Variants in TMEM259 observed in about 807,000 individuals in gnomAD.
TMEM259 encodes transmembrane protein 259, also known as membralin.
A neutral mutation model predicts 46.7 loss-of-function variants in TMEM259; 26 were observed. The observed-to-expected ratio is 0.56, with a 90% CI of 0.41 to 0.77. The LOEUF is 0.77. TMEM259 is among the 30% of genes least tolerant of loss of function. The pLI, the probability that TMEM259 is intolerant of heterozygous loss-of-function variation, is 0.00. For missense variants in TMEM259, 930 were observed against 900.5 expected (o/e 1.03, Z -0.42); for synonymous variants, 494 against 395.1 (o/e 1.25, Z -2.97).
At position 1,020,514 on chromosome 19, in the gene TMEM259, G is replaced by A. The variant is rs1459717076; in HGVS notation, c.225+258C>T. ...TGAGGTTTCCAGAGTAGAGAACAGCGGCTTCTAGTGCAGCGGGATCCGGCC... is the reference window on the plus strand; with the variant it reads ...TGAGGTTTCCAGAGTAGAGAACAGCAGCTTCTAGTGCAGCGGGATCCGGCC... On this transcript the variant is annotated intron_variant, in intron 1 of 10. Coordinates refer to ENST00000356663, the MANE Select transcript of TMEM259 (RefSeq NM_001033026.2). This position sits in a 1 kb window ranked among gnomAD's most constrained non-coding sequence, Gnocchi z 4.0. Among the ~76,000 whole-genome samples the A allele has an allele frequency of 6.6e-6, 1 of 152,162 alleles. No individual in the cohort carries two copies. The highest frequency in any genetic ancestry group is 2.4e-5 in the African/African-American group (1 of 41,458).
Position 1,020,950 on chromosome 19 carries a change from C to T in TMEM259, c.47G>A (p.Gly16Asp), listed in dbSNP as rs1599495675. 3.2e-6 allele frequency: 4 copies of T among 1,265,838 alleles called. No homozygotes were observed. The highest frequency in any genetic ancestry group is 4.0e-6 in the Non-Finnish European group (4 of 1,004,582). 78.4% of individuals were successfully genotyped at this position (1,265,838 alleles called of 1,614,324 possible). A position where few individuals can be genotyped will look rare whatever the true frequency, so the allele number is the denominator to read the frequency against. ...EPAAPGPGPN[G>D]GGGGPAPARG... ...CGCGGGGGCCGGGCCGCCGCCGCCGCCGTTGGGCCCGGGCCCCGGAGCTGC... is the reference window on the plus strand; with the variant it reads ...CGCGGGGGCCGGGCCGCCGCCGCCGTCGTTGGGCCCGGGCCCCGGAGCTGC... The change falls in exon 1 of 11, where the codon GGC becomes GAC. Residue 16 changes from glycine to aspartate, a missense_variant. Physicochemically the swap from Gly to Asp is moderately conservative, Grantham distance 94. Coordinates refer to ENST00000356663, the MANE Select transcript of TMEM259 (RefSeq NM_001033026.2). This position sits in a 1 kb window ranked among gnomAD's most constrained non-coding sequence, Gnocchi z 4.0.
At chr19:1,015,200 G>A (rs1209789671) in intron 1 of TMEM259, among the ~76,000 whole-genome samples, 3 of 152,250 alleles carry the variant, frequency 2.0e-5, no homozygotes, top group East Asian at 1.9e-4. Context: ...AGCGCCCCAC[G>A]GCAGGGCGAG....
rs1233791275 is a variant in TMEM259 at position 1,020,748 on chromosome 19, G to T, written c.225+24C>A. ...GTCGGGACAGCCGCTGGGGTCAAGGGTCGGGGGTCGGGGCCGCGGTCACCT... is the reference window on the plus strand; with the variant it reads ...GTCGGGACAGCCGCTGGGGTCAAGGTTCGGGGGTCGGGGCCGCGGTCACCT... On this transcript the variant is annotated intron_variant, in intron 1 of 10. Coordinates refer to ENST00000356663, the MANE Select transcript of TMEM259 (RefSeq NM_001033026.2). The surrounding 1 kb of genome is among the most constrained non-coding windows in gnomAD (Gnocchi z 4.0). 6 of 1,295,252 alleles carry T rather than the reference G, an allele frequency of 4.6e-6. No individual in the cohort carries two copies. Among genetic ancestry groups the T allele is most frequent in the Admixed American group, 4.0e-5 (1 of 24,850 alleles). 80.2% of individuals were successfully genotyped at this position (1,295,252 alleles called of 1,614,324 possible). A position where few individuals can be genotyped will look rare whatever the true frequency, so the allele number is the denominator to read the frequency against.
rs536573821 is a variant in TMEM259 at position 1,012,175 on chromosome 19, G to C, written c.732C>G (p.Asp244Glu). 1 of 1,603,012 alleles carries C rather than the reference G, an allele frequency of 6.2e-7. No homozygotes were observed. Among genetic ancestry groups the C allele is most frequent in the Admixed American group, 1.7e-5 (1 of 58,762 alleles). ...GGCTGAAGCGGTCCCCGAAGCACTG[G>C]TCCCGCGTGGGGTCTGCGGGTGGGT... Reference protein sequence around the residue: ...VMVVTLDPTRDQCFGDRFSRL... With the variant: ...VMVVTLDPTREQCFGDRFSRL... Residue 244 changes from aspartate (D) to glutamate (E), a missense_variant, in exon 5 of 11, where the codon GAC becomes GAG. Transcript: ENST00000356663.
chr19:1,012,326 C>T, intron 4 of TMEM259, 137 bp downstream of exon 4: 5 of 1,497,250 alleles, frequency 3.3e-6, no homozygotes, highest in Non-Finnish European at 4.5e-6. Flanking sequence ...GGACCCCAGC[C>T]CTGGGAAGCG....
In TMEM259 at chr19:1,013,320, G is replaced by A; in HGVS notation, c.528C>T (p.Pro176=). The A allele has an allele frequency of 6.2e-7, 1 of 1,613,692 alleles. No homozygotes were observed. Among genetic ancestry groups the A allele is most frequent in the Non-Finnish European group, 8.5e-7 (1 of 1,179,746 alleles). Residue 176 remains proline (P), a synonymous_variant, in exon 3 of 11, where the codon CCC becomes CCT. Transcript: ENST00000356663. The stretch of plus-strand genomic sequence containing the variant: ...TGCTACTCGGCGGCTTGAACACCTT[G>A]GGCTCGATGTCCAGCTCAAACTGTG... ...SSIKFELDIE[P]KVFKPPSSTE...
At chr19:1,011,685 C>A (rs1192903372) in intron 7 of TMEM259, 22 bp from the exon 8 acceptor site, 3 of 1,536,278 alleles carry the variant, frequency 2.0e-6, no homozygotes, top group Non-Finnish European at 2.6e-6. Flanking sequence ...GGGCGGCGGG[C>A]GCCCGGTGAG....
chr19:1,020,624 C>A lies in TMEM259; in HGVS notation c.225+148G>T, dbSNP rs1341898742. Reference sequence around the variant, plus strand: ...CAGGGTCAGAGGTCGCGAGGGAGAGCCCTAATCGGTAGGGCCGGGTATAGG... The same window carrying A: ...CAGGGTCAGAGGTCGCGAGGGAGAGACCTAATCGGTAGGGCCGGGTATAGG... On this transcript the variant is annotated intron_variant, in intron 1 of 10. Coordinates refer to ENST00000356663, the MANE Select transcript of TMEM259 (RefSeq NM_001033026.2). The surrounding 1 kb of genome is among the most constrained non-coding windows in gnomAD (Gnocchi z 4.0). 4.1e-6 allele frequency: 2 copies of A among 482,168 alleles called. No homozygotes were observed. The highest frequency in any genetic ancestry group is 4.4e-5 in the Admixed American group (1 of 22,612). The allele number at this position is 482,168 out of a possible 1,614,324, so 29.9% of individuals were successfully genotyped here. A position where few individuals can be genotyped will look rare whatever the true frequency, so the allele number is the denominator to read the frequency against.
In TMEM259 at chr19:1,010,724, C is replaced by G. The variant is rs2038879835; in HGVS notation, c.1489G>C (p.Gly497Arg). Residue 497 changes from glycine to arginine, a missense_variant, in exon 11 of 11, where the codon GGC becomes CGC. Coordinates refer to ENST00000356663, the MANE Select transcript of TMEM259 (RefSeq NM_001033026.2). ...ACGGGGCCCAGGGCGGGGGGCTGGC[C>G]GGCAGAGTCAGGGGCTGTAGCCGGG... is the stretch of plus-strand genomic sequence containing the variant. Reference protein sequence around the residue: ...GAPATAPDSAGQPPALGPVSP... With the variant: ...GAPATAPDSARQPPALGPVSP... 2 of 1,528,964 alleles carry G rather than the reference C, an allele frequency of 1.3e-6. No individual in the cohort carries two copies. Among genetic ancestry groups the G allele is most frequent in the African/African-American group, 2.8e-5 (2 of 72,578 alleles). The allele number at this position is 1,528,964 out of a possible 1,614,324, so 94.7% of individuals were successfully genotyped here. A position where few individuals can be genotyped will look rare whatever the true frequency, so the allele number is the denominator to read the frequency against.
intron 1 of TMEM259, among the ~76,000 whole-genome samples, chr19:1,018,746 G>A (rs1337170302): frequency 6.6e-6 from 1 of 152,180 alleles, no homozygotes; most frequent in Non-Finnish European, 1.5e-5. Context: ...AGCCTTTTGG[G>A]AGGCCGAGGC....
chr19:1,016,199 G>T (rs1005486340), intron 1 of TMEM259, among the ~76,000 whole-genome samples: 4 of 152,234 alleles, frequency 2.6e-5, no homozygotes, highest in Non-Finnish European at 4.4e-5. Flanking sequence ...ACAAATGAGG[G>T]GTGGGCGGGG....
chr19:1,012,620 C>T, intron 3 of TMEM259, 47 bp from the exon 4 acceptor site: 1 of 1,536,442 alleles, frequency 6.5e-7, no homozygotes, highest in South Asian at 1.2e-5. Flanking sequence ...ACACACGTCC[C>T]CCGCCCACTG....
intron 3 of TMEM259, 65 bp downstream of exon 3, chr19:1,013,176 T>G (rs1295101872): frequency 7.0e-7 from 1 of 1,428,266 alleles, no homozygotes; most frequent in Non-Finnish European, 9.9e-7. Flanking sequence ...GGACCCCGCC[T>G]GCACCCCAGC....
Position 1,021,069 on chromosome 19 carries a change from C to T in TMEM259, c.-73G>A. The T allele has an allele frequency of 3.9e-6, 5 of 1,268,782 alleles. No homozygotes were observed. The highest frequency in any genetic ancestry group is 3.6e-5 in the East Asian group (1 of 27,950). The allele number at this position is 1,268,782 out of a possible 1,614,324, so 78.6% of individuals were successfully genotyped here. A position where few individuals can be genotyped will look rare whatever the true frequency, so the allele number is the denominator to read the frequency against. The stretch of plus-strand genomic sequence containing the variant: ...TCCCGGCCGCCATCGGCCGCCCTCG[C>T]AGCCGCCGCTCTCCTCACGGCCTCC... On this transcript the variant is annotated 5_prime_UTR_variant, in exon 1 of 11. Transcript: ENST00000356663.
At chr19:1,018,318 A>AT (rs2039176734) in intron 1 of TMEM259, among the ~76,000 whole-genome samples, 1 of 152,114 alleles carries the variant, frequency 6.6e-6, no homozygotes, top group African/African-American at 2.4e-5. Context: ...CATTTCCTAA[A>AT]GCCACCCAGG....
chr19:1,015,958 G>A (rs62131164), intron 1 of TMEM259, among the ~76,000 whole-genome samples: 17,442 of 152,204 alleles, frequency 0.11, 1,034 homozygotes, highest in South Asian at 0.14. Flanking sequence ...GTCTGAGCAC[G>A]GATAAAGCCC....
In TMEM259 at chr19:1,010,289, C is replaced by G; in HGVS notation, c.*61G>C. ...AGGAGGTGGCTGGCCTCCCCCACCCCCACGGGCTCGGGAAGGTCAGGCCCA... is the reference window on the plus strand; with the variant it reads ...AGGAGGTGGCTGGCCTCCCCCACCCGCACGGGCTCGGGAAGGTCAGGCCCA... On this transcript the variant is annotated 3_prime_UTR_variant, in exon 11 of 11. Transcript: ENST00000356663. The G allele has an allele frequency of 7.3e-7, 1 of 1,377,786 alleles. No individual in the cohort carries two copies. Among genetic ancestry groups the G allele is most frequent in the Non-Finnish European group, 9.4e-7 (1 of 1,064,184 alleles). 85.3% of individuals were successfully genotyped at this position (1,377,786 alleles called of 1,614,324 possible). A position where few individuals can be genotyped will look rare whatever the true frequency, so the allele number is the denominator to read the frequency against.
chr19:1,015,357 C>T (rs957209698), intron 1 of TMEM259, among the ~76,000 whole-genome samples: 9 of 152,188 alleles, frequency 5.9e-5, no homozygotes, highest in Admixed American at 3.9e-4. Flanking sequence ...GGATGCTGCT[C>T]GGCACCCCGC....
At position 1,012,534 on chromosome 19, in the gene TMEM259, T is replaced by TCA; in HGVS notation, c.646_647insTG (p.Glu216ValfsTer16). ...CTGCGACAGGCGAAGGAAGCCATACTCTAGTGAGTACTCCACGATGTACTC... is the reference window on the plus strand; with the variant it reads ...CTGCGACAGGCGAAGGAAGCCATACTCACTAGTGAGTACTCCACGATGTACTC... On this transcript the variant is annotated frameshift_variant, in exon 4 of 11. Coordinates refer to ENST00000356663, the MANE Select transcript of TMEM259 (RefSeq NM_001033026.2). LOFTEE classifies it high-confidence loss of function. 6.2e-7 allele frequency: 1 copy of TCA among 1,600,436 alleles called. No individual in the cohort carries two copies.
Sources: gnomAD v4.1 joint callset for allele counts (sites outside exome capture counted in the v4.1 genomes callset) on GRCh38, gnomAD v4.1.1 for gene constraint, Gnocchi (gnomAD v3.1) non-coding constraint, MANE v1.5 for transcripts, NCBI Gene and HGNC (gene_info 2026-07-23, HGNC 2026-07-21) for gene names.